MDN1: variants seen among roughly 807,000 people sequenced by gnomAD.
The protein encoded by MDN1 is midasin.
In MDN1, 266 loss-of-function variants were observed where a neutral mutation model predicts 669.2. That is an observed-to-expected ratio of 0.40 (90% confidence interval 0.36 to 0.44). The LOEUF is 0.44. Among genes scored for constraint, MDN1 ranks in the 20% least tolerant of loss-of-function variants. MDN1 has a pLI of 1.00. For missense variants in MDN1, 5,940 were observed against 6,754.0 expected (o/e 0.88, Z 4.22); for synonymous variants, 2,385 against 2,457.1 (o/e 0.97, Z 0.87).
chr6:89,688,423 T>A, intron 66 of MDN1, 150 bp downstream of exon 66: 1 of 713,488 alleles, frequency 1.4e-6, no homozygotes, highest in Non-Finnish European at 2.3e-6. Context: ...ATCCTGCAGT[T>A]AGTAAGTAAC....
At chr6:89,740,422 T>C in intron 31 of MDN1, 44 bp from the exon 32 acceptor site, 1 of 1,514,344 alleles carries the variant, frequency 6.6e-7, no homozygotes, top group Non-Finnish European at 8.8e-7. Flanking sequence ...TTATACAATC[T>C]TTCTGTTTTA....
At chr6:89,756,958 T>A (rs531977377) in intron 19 of MDN1, among the ~76,000 whole-genome samples, 10 of 151,614 alleles carry the variant, frequency 6.6e-5, no homozygotes, top group Non-Finnish European at 1.5e-4. Context: ...GAATTAATTA[T>A]CCTCATTTTC....
Position 89,672,651 on chromosome 6 carries a change from T to C in MDN1, c.13526A>G (p.Glu4509Gly). The C allele has an allele frequency of 1.2e-6, 2 of 1,614,158 alleles. No individual in the cohort carries two copies. The highest frequency in any genetic ancestry group is 1.7e-6 in the Non-Finnish European group (2 of 1,180,020). The change falls in exon 81 of 102, where the codon GAA (glutamate) becomes GGA (glycine). Residue 4509 changes from glutamate to glycine, a missense_variant. Around this residue, in one of 5 missense-constraint regions of MDN1, gnomAD observed 2,280 missense variants for 2,576.3 expected, o/e 0.88. Transcript: ENST00000369393. Reference sequence around the variant, plus strand: ...ACAGAGGATGGCTCGGATGGCAATTTCCATTTGCTCTGAAAAATCTTCCAC... The same window carrying C: ...ACAGAGGATGGCTCGGATGGCAATTCCCATTTGCTCTGAAAAATCTTCCAC... ...GFVEDFSEQMEIAIRAILCAI... is the reference protein window; with the variant it reads ...GFVEDFSEQMGIAIRAILCAI...
At chr6:89,749,033 C>T (rs1816817674) in intron 26 of MDN1, among the ~76,000 whole-genome samples, 190 bp downstream of exon 26, 1 of 151,732 alleles carries the variant, frequency 6.6e-6, no homozygotes, top group East Asian at 1.9e-4. Context: ...CACTACACTC[C>T]AGCCAGGAGA....
At chr6:89,706,502 A>C (rs960094485) in intron 52 of MDN1, among the ~76,000 whole-genome samples, 2 of 152,080 alleles carry the variant, frequency 1.3e-5, no homozygotes, top group Non-Finnish European at 2.9e-5. Context: ...GTTTTTAATA[A>C]TTTTGTGCAT....
chr6:89,666,910 A>C (rs905602007), intron 84 of MDN1, among the ~76,000 whole-genome samples: 4 of 152,210 alleles, frequency 2.6e-5, no homozygotes, highest in Non-Finnish European at 5.9e-5. Flanking sequence ...TGGTGCCATA[A>C]TTTAATTCTC....
intron 48 of MDN1, 124 bp from the exon 49 acceptor site, chr6:89,712,380 C>G (rs1355698815): frequency 1.9e-6 from 2 of 1,055,058 alleles, no homozygotes; most frequent in African/African-American, 1.6e-5. Context: ...GAGAGTCTCC[C>G]ACAGAGGAAG....
chr6:89,697,431 G>A (rs951753732), intron 59 of MDN1, among the ~76,000 whole-genome samples: 4 of 152,036 alleles, frequency 2.6e-5, no homozygotes, highest in African/African-American at 4.8e-5. Context: ...CATATTTGGA[G>A]GGAAAAAAAT....
chr6:89,811,928 G>A (rs1401032509), intron 1 of MDN1, among the ~76,000 whole-genome samples: 1 of 151,982 alleles, frequency 6.6e-6, no homozygotes, highest in Non-Finnish European at 1.5e-5. Context: ...AGGTAGCTGG[G>A]ATACAAGCAA....
intron 84 of MDN1, among the ~76,000 whole-genome samples, chr6:89,667,192 T>C (rs893305740): frequency 1.3e-5 from 2 of 152,230 alleles, no homozygotes; most frequent in Admixed American, 1.3e-4. Flanking sequence ...ACTTTTTTTT[T>C]CTACTAGAAA....
chr6:89,776,600 C>CT lies in MDN1; in HGVS notation c.1820dup (p.Ala608GlyfsTer2). 1 of 1,604,216 alleles carries CT rather than the reference C, an allele frequency of 6.2e-7. No homozygotes were observed. Among genetic ancestry groups the CT allele is most frequent in the Non-Finnish European group, 8.5e-7 (1 of 1,173,138 alleles). On this transcript the variant is annotated frameshift_variant and splice_region_variant, in exon 12 of 102. Coordinates refer to ENST00000369393, the MANE Select transcript of MDN1 (RefSeq NM_014611.3). LOFTEE classifies it high-confidence loss of function. ...GGAAGTAAAAAAACAGCACACATACCTTTTTTCTAGAAATGTTCAATTTGC... is the reference window on the plus strand; with the variant it reads ...GGAAGTAAAAAAACAGCACACATACCTTTTTTTCTAGAAATGTTCAATTTGC...
intron 70 of MDN1, 144 bp downstream of exon 70, chr6:89,685,683 T>G (rs928530533): frequency 1.1e-6 from 1 of 881,604 alleles, no homozygotes; most frequent in African/African-American, 1.7e-5. Context: ...CTTCTCTATA[T>G]CTAATGTGAA....
rs1811066556 is a variant in MDN1, at chr6:89,674,725, T to C, written c.12762-136A>G. On this transcript the variant is annotated intron_variant, in intron 78 of 101. Coordinates refer to ENST00000369393, the MANE Select transcript of MDN1 (RefSeq NM_014611.3). Reference sequence around the variant, plus strand: ...AGTCAAGAAGGAAGAATCCCCCAGATAGGTAAAAAGTCTGTTAAAATGCCT... The same window carrying C: ...AGTCAAGAAGGAAGAATCCCCCAGACAGGTAAAAAGTCTGTTAAAATGCCT... 8 of 1,253,266 alleles carry C rather than the reference T, an allele frequency of 6.4e-6. No individual in the cohort carries two copies. In the African/African-American group the frequency reaches 7.5e-5, roughly 12 times the overall value. 77.6% of individuals were successfully genotyped at this position (1,253,266 alleles called of 1,614,324 possible).
At position 89,683,242 on chromosome 6, in the gene MDN1, G is replaced by C. The variant is rs1311308039; in HGVS notation, c.11992C>G (p.Pro3998Ala). 6.2e-7 allele frequency: 1 copy of C among 1,614,014 alleles called. No homozygotes were observed. The highest frequency in any genetic ancestry group is 2.2e-5 in the East Asian group (1 of 44,884). The change falls in exon 73 of 102, where the codon CCT (proline) becomes GCT (alanine). Residue 3998 changes from proline (P) to alanine (A), a missense_variant. Pro to Ala is a conservative substitution (Grantham distance 27). Coordinates refer to ENST00000369393, the MANE Select transcript of MDN1 (RefSeq NM_014611.3). ...TCTGTTGGCCTGGGCAAAAAGTCAG[G>C]CTGTTCTTCCTTGTCACTCTCCACC... is the stretch of plus-strand genomic sequence containing the variant. Reference protein sequence around the residue: ...SLVESDKEEQPDFLPRPTDGA... With the variant: ...SLVESDKEEQADFLPRPTDGA...
chr6:89,672,731 A>G (rs1562066468), intron 80 of MDN1, 29 bp from the exon 81 acceptor site: 19 of 1,606,684 alleles, frequency 1.2e-5, no homozygotes, highest in Non-Finnish European at 1.5e-5. Context: ...CAAAACAAAC[A>G]TACAAACAAA....
At chr6:89,766,584 A>AAGCAGC (rs571182732) in intron 15 of MDN1, among the ~76,000 whole-genome samples, 258 of 152,326 alleles carry the variant, frequency 1.7e-3, no homozygotes, top group African/African-American at 5.8e-3. Flanking sequence ...AAATGCCAAG[A>AAGCAGC]AGGTCCATAA....
chr6:89,772,421 C>A, intron 14 of MDN1, 152 bp downstream of exon 14: 1 of 697,314 alleles, frequency 1.4e-6, no homozygotes, highest in Non-Finnish European at 2.3e-6. Flanking sequence ...TAATAATAAT[C>A]TATTAACAGT....
At chr6:89,715,841 G>T in intron 44 of MDN1, 72 bp from the exon 45 acceptor site, 1 of 952,782 alleles carries the variant, frequency 1.0e-6, no homozygotes, top group Non-Finnish European at 1.7e-6. Flanking sequence ...CCATGCACGG[G>T]GCTCCAAATG....
chr6:89,819,501 C>T lies in MDN1; in HGVS notation c.102+5G>A. On this transcript the variant is annotated splice_donor_5th_base_variant and intron_variant, in intron 1 of 101. Coordinates refer to ENST00000369393, the MANE Select transcript of MDN1 (RefSeq NM_014611.3). ...CGGCGCTTTCCCTCTCCCTTCACGTCTTACCTGCTTGGCCAAGAACCTGCC... is the reference window on the plus strand; with the variant it reads ...CGGCGCTTTCCCTCTCCCTTCACGTTTTACCTGCTTGGCCAAGAACCTGCC... The T allele has an allele frequency of 6.2e-7, 1 of 1,605,530 alleles. No homozygotes were observed. Among genetic ancestry groups the T allele is most frequent in the Non-Finnish European group, 8.5e-7 (1 of 1,179,808 alleles).
Sources: allele counts gnomAD v4.1 joint callset (sites outside exome capture counted in the v4.1 genomes callset), GRCh38; gene constraint gnomAD v4.1.1; regional missense constraint gnomAD v4.1.1; transcripts MANE v1.5; gene names NCBI Gene and HGNC (gene_info 2026-07-23, HGNC 2026-07-21).